Variants in ANHX observed in about 807,000 individuals in gnomAD.
The protein encoded by ANHX is anomalous homeobox, also known as anomalous homeobox protein.
In ANHX, 20 loss-of-function variants were observed where a neutral mutation model predicts 38.9. The observed-to-expected ratio is 0.51, with a 90% confidence interval of 0.36 to 0.75. ANHX has a LOEUF of 0.75. Ranked by LOEUF, ANHX falls within the 30% of genes least tolerant of loss-of-function variation. The pLI, the probability that ANHX is intolerant of heterozygous loss-of-function variation, is 0.00. For synonymous variants in ANHX, 185 were observed against 203.1 expected (o/e 0.91, Z 0.76); for missense variants, 475 against 493.1 (o/e 0.96, Z 0.35).
chr12:133,224,707 T>C (rs1056608974), intron 7 of ANHX, among the ~76,000 whole-genome samples: 7 of 144,954 alleles, frequency 4.8e-5, no homozygotes, highest in African/African-American at 7.7e-5. Context: ...GGCTCACGCC[T>C]GTAATCCCAG....
intron 7 of ANHX, among the ~76,000 whole-genome samples, chr12:133,224,935 C>T (rs1021445723): frequency 6.8e-4 from 101 of 149,418 alleles, no homozygotes; most frequent in Non-Finnish European, 1.3e-3. Context: ...CCACTGCACT[C>T]CAGCCTGGGT....
At chr12:133,220,572 C>T (rs1260154394) in intron 8 of ANHX, among the ~76,000 whole-genome samples, 1 of 152,150 alleles carries the variant, frequency 6.6e-6, no homozygotes, top group Non-Finnish European at 1.5e-5. Context: ...GTTGCAGCTC[C>T]CTGATGAGGG....
intron 3 of ANHX, among the ~76,000 whole-genome samples, chr12:133,231,189 C>A (rs1288392200): frequency 6.6e-6 from 1 of 152,176 alleles, no homozygotes; most frequent in African/African-American, 2.4e-5. Flanking sequence ...TCTGGCCAGT[C>A]CCTGGGTGGA....
intron 2 of ANHX, 129 bp downstream of exon 2, chr12:133,233,978 CT>C: frequency 8.1e-7 from 1 of 1,236,982 alleles, no homozygotes; most frequent in South Asian, 1.6e-5. Context: ...TTTCCAAGGC[CT>C]GGGGGTGGGC....
At position 133,221,229 on chromosome 12, in the gene ANHX, G is replaced by T. The variant is rs1216587659; in HGVS notation, c.1256C>A (p.Ala419Asp). Residue 419 changes from alanine (A) to aspartate (D), a missense_variant, in exon 8 of 10, where the codon GCT (alanine) becomes GAT (aspartate). Physicochemically the swap from Ala to Asp is moderately radical, Grantham distance 126 (BLOSUM62 -2). Transcript: ENST00000545940. This position sits in a 1 kb window ranked among gnomAD's most constrained non-coding sequence, Gnocchi z 4.1. ...CCTCTGGGTGAGGATGAATTCAGGA[G>T]CTTGCAGTGGGGGCTGTGTCACCAG... ...SFLVTQPPLQAPEFILTQSPP... is the reference protein window; with the variant it reads ...SFLVTQPPLQDPEFILTQSPP... 3 of 1,536,076 alleles carry T rather than the reference G, an allele frequency of 2.0e-6. No homozygotes were observed. The Admixed American group carries it at 5.9e-5, about 30-fold the overall frequency.
chr12:133,224,999 G>T (rs1384487599), intron 7 of ANHX, among the ~76,000 whole-genome samples: 1 of 150,670 alleles, frequency 6.6e-6, no homozygotes, highest in Non-Finnish European at 1.5e-5. Context: ...AAGAAAGAAA[G>T]AAATTTGGGT....
At chr12:133,222,135 A>G (rs1957116363) in intron 7 of ANHX, among the ~76,000 whole-genome samples, 1 of 152,138 alleles carries the variant, frequency 6.6e-6, no homozygotes, top group African/African-American at 2.4e-5. Flanking sequence ...GCTTTCTGCT[A>G]TTTCCTCTTT....
rs377684039 is a variant in ANHX, at chr12:133,225,404, T to C, written c.1132+132A>G. Among the ~76,000 whole-genome samples, 44 of 152,242 alleles carry C rather than the reference T, an allele frequency of 2.9e-4. 1 individual carries two copies. Among genetic ancestry groups the C allele is most frequent in the Middle Eastern group, 3.4e-3 (1 of 294 alleles). ...GGAAGAGTCTTTGTTCTGGCTACATTGGTTCCAGGTCTAATCAAATACCAT... is the reference window on the plus strand; with the variant it reads ...GGAAGAGTCTTTGTTCTGGCTACATCGGTTCCAGGTCTAATCAAATACCAT... On this transcript the variant is annotated intron_variant, in intron 7 of 9. Transcript: ENST00000545940.
chr12:133,234,710 G>A (rs1205933976), intron 1 of ANHX: 1 of 262,652 alleles, frequency 3.8e-6, no homozygotes, highest in Non-Finnish European at 7.4e-6. Context: ...TGGATGCCAA[G>A]GCCTTTCATC....
rs772250784 is a variant in ANHX at position 133,221,645 on chromosome 12, G to A, written c.1133-293C>T. ...CCTCATGTGCCCTCGGTGCCAGTCA[G>A]AGTCTGCAGCTTGCTCCGTCCTGCT... On this transcript the variant is annotated intron_variant, in intron 7 of 9. Coordinates refer to ENST00000545940, the MANE Select transcript of ANHX (RefSeq NM_001372060.1). This position sits in a 1 kb window ranked among gnomAD's most constrained non-coding sequence, Gnocchi z 4.1. 6.6e-6 allele frequency among the ~76,000 whole-genome samples: 1 copy of A among 152,164 alleles called. No homozygotes were observed. Among genetic ancestry groups the A allele is most frequent in the Non-Finnish European group, 1.5e-5 (1 of 68,020 alleles).
At chr12:133,232,476 C>T (rs540164614) in intron 2 of ANHX, among the ~76,000 whole-genome samples, 2 of 152,256 alleles carry the variant, frequency 1.3e-5, no homozygotes, top group South Asian at 2.1e-4. Flanking sequence ...CCCTCAGAGC[C>T]GACGGCTCTG....
chr12:133,226,334 T>C lies in ANHX; in HGVS notation c.823A>G (p.Lys275Glu). The C allele has an allele frequency of 6.5e-7, 1 of 1,536,244 alleles. No homozygotes were observed. The highest frequency in any genetic ancestry group is 8.7e-7 in the Non-Finnish European group (1 of 1,146,898). ...TGACAGTACCTGACATCCAGTGGCTTTGAGACTGTCTCATCTGCGGGAAAG... is the reference window on the plus strand; with the variant it reads ...TGACAGTACCTGACATCCAGTGGCTCTGAGACTGTCTCATCTGCGGGAAAG... The part of the protein sequence containing the change: ...PDFPADETVS[K>E]PLDVRSLPGG... The change falls in exon 6 of 10, where the codon AAG becomes GAG. Residue 275 changes from lysine to glutamate, a missense_variant. By Grantham distance (56) the Lys-to-Glu change is moderately conservative. Transcript: ENST00000545940.
chr12:133,228,277 C>T (rs145279953), intron 3 of ANHX, among the ~76,000 whole-genome samples: 94 of 152,124 alleles, frequency 6.2e-4, no homozygotes, highest in African/African-American at 6.0e-4. Flanking sequence ...CCATGGAGGC[C>T]GCGTGCACAG....
rs890990385 is a variant in ANHX at position 133,231,542 on chromosome 12, C to G, written c.352G>C (p.Val118Leu). 8 of 1,536,086 alleles carry G rather than the reference C, an allele frequency of 5.2e-6. No homozygotes were observed. The Admixed American group carries it at 7.8e-5, about 15-fold the overall frequency. The change falls in exon 3 of 10, where the codon GTG becomes CTG. Residue 118 changes from valine (V) to leucine (L), a missense_variant. By Grantham distance (32) the Val-to-Leu change is conservative. Transcript: ENST00000545940. Reference sequence around the variant, plus strand: ...CTCTTCCTGCAGCGGAACTTCTGCACCGGGGTGAGCGCAGCCACGCCCAGC... The same window carrying G: ...CTCTTCCTGCAGCGGAACTTCTGCAGCGGGGTGAGCGCAGCCACGCCCAGC... ...RRLGVAALTPVQKFRCRKRNP... is the reference protein window; with the variant it reads ...RRLGVAALTPLQKFRCRKRNP...
chr12:133,227,470 G>A (rs1593966382), intron 4 of ANHX, among the ~76,000 whole-genome samples: 1 of 152,312 alleles, frequency 6.6e-6, no homozygotes, highest in Admixed American at 6.5e-5. Flanking sequence ...GGAGGGGCAG[G>A]GCCTGCAGAA....
chr12:133,218,631 G>T lies in ANHX; in HGVS notation c.*254C>A. The T allele has an allele frequency of 3.0e-6, 1 of 336,680 alleles. No homozygotes were observed. The allele number at this position is 336,680 out of a possible 1,614,324, so 20.9% of individuals were successfully genotyped here. A position where few individuals can be genotyped will look rare whatever the true frequency, so the allele number is the denominator to read the frequency against. On this transcript the variant is annotated 3_prime_UTR_variant, in exon 10 of 10. Coordinates refer to ENST00000545940, the MANE Select transcript of ANHX (RefSeq NM_001372060.1). ...GAGCCCGACTGATCCAGTGCTGCGT[G>T]AGTGGGACAGACCCACCTTTGACTT...
At chr12:133,223,460 T>C (rs1957141381) in intron 7 of ANHX, among the ~76,000 whole-genome samples, 1 of 149,886 alleles carries the variant, frequency 6.7e-6, no homozygotes, top group South Asian at 2.1e-4. Context: ...TTTTTTTTTT[T>C]TTTGAGACGG....
chr12:133,235,367 G>A (rs143652562), intron 1 of ANHX: 4,476 of 152,364 alleles, frequency 0.029, 57 homozygotes, highest in Middle Eastern at 0.064. Flanking sequence ...ACCTTGGCCT[G>A]TCCGCCCGGT....
At position 133,221,270 on chromosome 12, in the gene ANHX, T is replaced by G; in HGVS notation, c.1215A>C (p.Leu405=). 2 of 1,536,052 alleles carry G rather than the reference T, an allele frequency of 1.3e-6. No individual in the cohort carries two copies. Among genetic ancestry groups the G allele is most frequent in the Non-Finnish European group, 1.7e-6 (2 of 1,146,882 alleles). Residue 405 remains leucine, a synonymous_variant, in exon 8 of 10, where the codon CTA becomes CTC. Transcript: ENST00000545940. This position sits in a 1 kb window ranked among gnomAD's most constrained non-coding sequence, Gnocchi z 4.1. ...GTGTCACCAGGAAGCTGCCCACCCG[T>G]AGCTCTGTCCGTCCACTGCTTGTGC... ...GLGTSSGRTE[L]RVGSFLVTQP...
Sources: allele counts gnomAD v4.1 joint callset (sites outside exome capture counted in the v4.1 genomes callset), GRCh38; gene constraint gnomAD v4.1.1; non-coding constraint Gnocchi (gnomAD v3.1); transcripts MANE v1.5; gene names NCBI Gene and HGNC (gene_info 2026-07-23, HGNC 2026-07-21).